CAPZA2: variants seen among roughly 807,000 people sequenced by gnomAD.
The protein encoded by CAPZA2 is capping actin protein of muscle Z-line subunit alpha 2, also known as F-actin-capping protein subunit alpha-2.
In CAPZA2, 13 loss-of-function variants were observed where a neutral mutation model predicts 44.0. The ratio of observed to expected loss-of-function variants is 0.30; its 90% CI spans 0.19 to 0.47. CAPZA2 has a LOEUF of 0.47. Among genes scored for constraint, CAPZA2 ranks in the 20% least tolerant of loss-of-function variants. The pLI, the probability that CAPZA2 is intolerant of heterozygous loss-of-function variation, is 1.00. For synonymous variants in CAPZA2, 94 were observed against 108.2 expected (o/e 0.87, Z 0.81); for missense variants, 244 against 338.6 (o/e 0.72, Z 2.19).
At chr7:116,917,661 C>G (rs1275525051) in intron 9 of CAPZA2, 66 bp from the exon 10 acceptor site, 11 of 1,106,336 alleles carry the variant, frequency 9.9e-6, no homozygotes, top group Non-Finnish European at 1.4e-5. Flanking sequence ...CTGAAAACAT[C>G]TATGTGCTTT....
intron 5 of CAPZA2, 99 bp from the exon 6 acceptor site, chr7:116,906,164 G>A (rs2115964416): frequency 1.3e-6 from 2 of 1,489,116 alleles, no homozygotes; most frequent in East Asian, 2.4e-5. Flanking sequence ...ATGTGTTCTT[G>A]TCAAAGTACT....
chr7:116,885,257 T>TG (rs1554409237), intron 1 of CAPZA2, among the ~76,000 whole-genome samples: 2 of 152,080 alleles, frequency 1.3e-5, no homozygotes, highest in South Asian at 2.1e-4. Context: ...TAGTTTTTTT[T>TG]TTGTTGTTGT....
At chr7:116,905,770 A>G (rs1269587744) in intron 5 of CAPZA2, among the ~76,000 whole-genome samples, 1 of 152,206 alleles carries the variant, frequency 6.6e-6, no homozygotes, top group Non-Finnish European at 1.5e-5. Flanking sequence ...GAGGTGAAAT[A>G]GCATTGTGAT....
intron 1 of CAPZA2, among the ~76,000 whole-genome samples, chr7:116,886,835 G>A (rs1169908317): frequency 6.6e-6 from 1 of 152,214 alleles, no homozygotes; most frequent in Non-Finnish European, 1.5e-5. Context: ...AGTGTGATTG[G>A]ATGGCTCCTA....
intron 2 of CAPZA2, among the ~76,000 whole-genome samples, chr7:116,889,818 A>G (rs1023245113): frequency 1.3e-5 from 2 of 152,218 alleles, no homozygotes; most frequent in Non-Finnish European, 2.9e-5. Flanking sequence ...TCCAGAAATT[A>G]AAATCTGCTG....
intron 3 of CAPZA2, 126 bp from the exon 4 acceptor site, chr7:116,898,646 C>A: frequency 2.0e-6 from 1 of 512,690 alleles, no homozygotes; most frequent in South Asian, 3.3e-5. Context: ...TGGAGAATTA[C>A]AATTTTATTT....
intron 1 of CAPZA2, among the ~76,000 whole-genome samples, chr7:116,864,484 T>A (rs1796456386): frequency 6.6e-6 from 1 of 152,206 alleles, no homozygotes; most frequent in Non-Finnish European, 1.5e-5. Flanking sequence ...TGATTTTTGA[T>A]GTTTTGTAAG....
chr7:116,880,245 A>G (rs1031045451), intron 1 of CAPZA2: 22 of 357,898 alleles, frequency 6.1e-5, no homozygotes, highest in Non-Finnish European at 1.0e-4. Flanking sequence ...TTGAGTTTCA[A>G]AAATCATGAG....
rs1796643841 is a variant in CAPZA2, at chr7:116,878,107, A to G, written c.40-10020A>G. Among the ~76,000 whole-genome samples the G allele has an allele frequency of 2.0e-5, 3 of 152,360 alleles. No homozygotes were observed. The South Asian group carries it at 6.2e-4, about 32-fold the overall frequency. On this transcript the variant is annotated intron_variant, in intron 1 of 9. Coordinates refer to ENST00000361183, the MANE Select transcript of CAPZA2 (RefSeq NM_006136.3). ...TACATTTGAATGATAAGTTCAAGGT[A>G]TCTTTGAGGCATTTTGATGGAGATC...
intron 1 of CAPZA2, among the ~76,000 whole-genome samples, chr7:116,869,178 T>G (rs1796518713): frequency 6.6e-6 from 1 of 152,212 alleles, no homozygotes; most frequent in Non-Finnish European, 1.5e-5. Context: ...TAGCAATAAT[T>G]TGTTAAATAG....
At chr7:116,910,187 A>G (rs1482830008) in intron 6 of CAPZA2, 46 bp from the exon 7 acceptor site, 5 of 1,006,672 alleles carry the variant, frequency 5.0e-6, no homozygotes, top group African/African-American at 3.2e-5. Context: ...AATTGATTCA[A>G]ATTATTTTCC....
chr7:116,871,947 C>T (rs1432431830), intron 1 of CAPZA2, among the ~76,000 whole-genome samples: 1 of 152,178 alleles, frequency 6.6e-6, no homozygotes, highest in Non-Finnish European at 1.5e-5. Flanking sequence ...AACGCACAGG[C>T]TCCTCTTGTG....
rs918894093 is a variant in CAPZA2 at position 116,886,110 on chromosome 7, G to A, written c.40-2017G>A. ...ATAGATAACAAAAAGATGATAAGAT[G>A]ATAACAAAAATGGTATTTAAATTAG... On this transcript the variant is annotated intron_variant, in intron 1 of 9. Transcript: ENST00000361183. 1.9e-5 allele frequency: 3 copies of A among 154,720 alleles called. No homozygotes were observed. The Admixed American group carries it at 2.0e-4, about 10-fold the overall frequency. 9.6% of individuals were successfully genotyped at this position (154,720 alleles called of 1,614,324 possible). A position where few individuals can be genotyped will look rare whatever the true frequency, so the allele number is the denominator to read the frequency against.
intron 1 of CAPZA2, among the ~76,000 whole-genome samples, chr7:116,866,540 G>A (rs759708336): frequency 4.6e-5 from 7 of 152,200 alleles, no homozygotes; most frequent in African/African-American, 7.2e-5. Context: ...TCCTGGGTCA[G>A]CTGTATTGTA....
intron 1 of CAPZA2, among the ~76,000 whole-genome samples, chr7:116,878,565 T>C (rs1350270504): frequency 2.0e-5 from 3 of 152,240 alleles, no homozygotes; most frequent in African/African-American, 2.4e-5. Context: ...ACAGATCATT[T>C]GCCTTTACTT....
chr7:116,917,897 G>A lies in CAPZA2; in HGVS notation c.*30G>A. On this transcript the variant is annotated 3_prime_UTR_variant, in exon 10 of 10. Transcript: ENST00000361183. The stretch of plus-strand genomic sequence containing the variant: ...AACATTGCATGACCGGATCATTTTA[G>A]TGTCTTTGCGTTAAAAAATCATTGC... The A allele has an allele frequency of 6.3e-7, 1 of 1,584,306 alleles. No homozygotes were observed. Among genetic ancestry groups the A allele is most frequent in the Non-Finnish European group, 8.7e-7 (1 of 1,153,830 alleles).
intron 8 of CAPZA2, among the ~76,000 whole-genome samples, chr7:116,913,396 C>T (rs1405926970): frequency 2.0e-5 from 3 of 152,102 alleles, no homozygotes; most frequent in Admixed American, 6.5e-5. Context: ...AGTTTTAGCT[C>T]TTACATTTAG....
At chr7:116,916,449 C>T (rs1466653584) in intron 9 of CAPZA2, among the ~76,000 whole-genome samples, 3 of 152,154 alleles carry the variant, frequency 2.0e-5, no homozygotes, top group Non-Finnish European at 4.4e-5. Flanking sequence ...ATGGTGAAAC[C>T]CTGTCTCTAC....
At chr7:116,904,484 T>G (rs1351894564) in intron 5 of CAPZA2, 101 bp downstream of exon 5, 1 of 701,208 alleles carries the variant, frequency 1.4e-6, no homozygotes, top group Non-Finnish European at 2.4e-6. Flanking sequence ...CATTGTATAA[T>G]TTGTCATTTT....
Sources: gnomAD v4.1 joint callset for allele counts (sites outside exome capture counted in the v4.1 genomes callset) on GRCh38, gnomAD v4.1.1 for gene constraint, MANE v1.5 for transcripts, NCBI Gene and HGNC (gene_info 2026-07-23, HGNC 2026-07-21) for gene names.